The following SCAMP2 variants were observed in gnomAD, a reference collection of about 807,000 sequenced individuals.
SCAMP2 encodes secretory carrier membrane protein 2.
In SCAMP2, 25 loss-of-function variants were observed where a neutral mutation model predicts 44.1. The observed-to-expected ratio is 0.57, with a 90% CI of 0.41 to 0.79. SCAMP2 has a LOEUF of 0.79. Among genes scored for constraint, SCAMP2 ranks in the 30% least tolerant of loss-of-function variants. The pLI is 0.00. For synonymous variants in SCAMP2, 156 were observed against 166.0 expected (o/e 0.94, Z 0.46); for missense variants, 355 against 411.0 (o/e 0.86, Z 1.18).
Position 74,844,869 on chromosome 15 carries a change from A to G in SCAMP2, c.*214T>C. ...TACCAAACCATCACCAGAGAAGGAA[A>G]GAGAGCTTTGTTTTTTTTTGTACAT... On this transcript the variant is annotated 3_prime_UTR_variant, in exon 9 of 9. Transcript: ENST00000268099. 2 of 540,896 alleles carry G rather than the reference A, an allele frequency of 3.7e-6. No individual in the cohort carries two copies. The highest frequency in any genetic ancestry group is 6.5e-6 in the Non-Finnish European group (2 of 305,482). The allele number at this position is 540,896 out of a possible 1,614,324, so 33.5% of individuals were successfully genotyped here.
Position 74,844,776 on chromosome 15 carries a change from G to C in SCAMP2, c.*307C>G, listed in dbSNP as rs2064380791. ...GGTCAGCCTGTGATCCCAACTGTGT[G>C]GGGGTGTCTGTGTGTGCACAGGACG... On this transcript the variant is annotated 3_prime_UTR_variant, in exon 9 of 9. Coordinates refer to ENST00000268099, the MANE Select transcript of SCAMP2 (RefSeq NM_005697.5). 3.6e-6 allele frequency: 1 copy of C among 279,346 alleles called. No homozygotes were observed. The highest frequency in any genetic ancestry group is 4.7e-5 in the Admixed American group (1 of 21,360). The allele number at this position is 279,346 out of a possible 1,614,324, so 17.3% of individuals were successfully genotyped here.
intron 1 of SCAMP2, among the ~76,000 whole-genome samples, chr15:74,870,469 C>T (rs1596427785): frequency 6.6e-6 from 1 of 152,216 alleles, no homozygotes; most frequent in Non-Finnish European, 1.5e-5. Flanking sequence ...ACAACATACA[C>T]CATAAGGCTA....
chr15:74,863,900 A>G (rs2064525248), intron 1 of SCAMP2, among the ~76,000 whole-genome samples: 1 of 152,294 alleles, frequency 6.6e-6, no homozygotes, highest in African/African-American at 2.4e-5. Context: ...GTGTGATCAT[A>G]GAGGAGAGAG....
intron 1 of SCAMP2, among the ~76,000 whole-genome samples, chr15:74,870,289 C>G (rs1428090865): frequency 3.9e-5 from 6 of 152,214 alleles, no homozygotes; most frequent in African/African-American, 1.4e-4. Flanking sequence ...TTAAGACTTT[C>G]AAGCAGCTAT....
At chr15:74,866,380 G>A (rs2064544317) in intron 1 of SCAMP2, among the ~76,000 whole-genome samples, 1 of 151,882 alleles carries the variant, frequency 6.6e-6, no homozygotes, top group Non-Finnish European at 1.5e-5. Context: ...GCAAGCAGGA[G>A]CGACTTTTGG....
intron 1 of SCAMP2, among the ~76,000 whole-genome samples, chr15:74,868,021 T>C (rs893951008): frequency 6.6e-6 from 1 of 152,174 alleles, no homozygotes; most frequent in African/African-American, 2.4e-5. Context: ...CTTCATCACC[T>C]GACAAGACTT....
chr15:74,854,171 G>A (rs1190141832), intron 2 of SCAMP2, 52 bp from the exon 3 acceptor site: 1 of 1,510,910 alleles, frequency 6.6e-7, no homozygotes, highest in Admixed American at 1.7e-5. Context: ...ATTAGCTGGT[G>A]ACGAGGGGGC....
At chr15:74,866,277 C>T (rs56671860) in intron 1 of SCAMP2, among the ~76,000 whole-genome samples, 11,262 of 151,428 alleles carry the variant, frequency 0.074, 1,170 homozygotes, top group African/African-American at 0.23. Flanking sequence ...GCATCCCAGG[C>T]TCATGACTCC....
rs1021723098 is a variant in SCAMP2, at chr15:74,844,125, G to A, written c.*958C>T. The A allele has an allele frequency of 2.6e-5, 4 of 151,322 alleles. No homozygotes were observed. The highest frequency in any genetic ancestry group is 5.9e-5 in the Non-Finnish European group (4 of 67,848). The allele number at this position is 151,322 out of a possible 1,614,324, so 9.4% of individuals were successfully genotyped here. A position where few individuals can be genotyped will look rare whatever the true frequency, so the allele number is the denominator to read the frequency against. Reference sequence around the variant, plus strand: ...TGGCCCTGCCCTTCCTGAAAGTCTGGATGCTGCTGATGGGGAGCATGGGCG... The same window carrying A: ...TGGCCCTGCCCTTCCTGAAAGTCTGAATGCTGCTGATGGGGAGCATGGGCG... On this transcript the variant is annotated 3_prime_UTR_variant, in exon 9 of 9. Transcript: ENST00000268099.
At chr15:74,849,914 C>G (rs1006017157) in intron 6 of SCAMP2, among the ~76,000 whole-genome samples, 9 of 152,210 alleles carry the variant, frequency 5.9e-5, no homozygotes. Flanking sequence ...GGCTAGATCA[C>G]AGTGAGGGTT....
intron 1 of SCAMP2, among the ~76,000 whole-genome samples, chr15:74,855,132 C>T (rs189662645): frequency 1.9e-4 from 29 of 152,026 alleles, no homozygotes; most frequent in Admixed American, 1.7e-3. Context: ...GAGACAGAGT[C>T]TTGCTCTGTC....
At chr15:74,869,928 G>A (rs775319955) in intron 1 of SCAMP2, among the ~76,000 whole-genome samples, 4 of 152,178 alleles carry the variant, frequency 2.6e-5, no homozygotes, top group African/African-American at 7.2e-5. Context: ...ACCTCCCAAC[G>A]TCCTAGCCCT....
chr15:74,863,201 C>T (rs1305919168), intron 1 of SCAMP2, among the ~76,000 whole-genome samples: 1 of 151,700 alleles, frequency 6.6e-6, no homozygotes, highest in East Asian at 1.9e-4. Flanking sequence ...AAAAATTAGC[C>T]GGGTGTGGTG....
chr15:74,853,198 A>G, intron 3 of SCAMP2: 1 of 329,308 alleles, frequency 3.0e-6, no homozygotes, highest in Non-Finnish European at 6.1e-6. Context: ...CAAGTCTGTG[A>G]CGCCAGCTGA....
intron 7 of SCAMP2, chr15:74,848,304 G>A (rs1312348255): frequency 4.0e-6 from 1 of 253,008 alleles, no homozygotes; most frequent in African/African-American, 2.2e-5. Flanking sequence ...CTGGGCTTGA[G>A]CAATCTGCCT....
intron 1 of SCAMP2, among the ~76,000 whole-genome samples, chr15:74,868,927 G>A (rs1215308401): frequency 2.0e-5 from 3 of 152,122 alleles, no homozygotes; most frequent in Non-Finnish European, 2.9e-5. Context: ...AGGCTGAGGC[G>A]GGTGGATCAC....
chr15:74,845,635 G>T (rs2064394628), intron 7 of SCAMP2, 42 bp from the exon 8 acceptor site: 1 of 1,610,594 alleles, frequency 6.2e-7, no homozygotes, highest in South Asian at 1.1e-5. Context: ...AAGTGGGAGT[G>T]GGCTCCAAAA....
chr15:74,859,732 T>C (rs893842969), intron 1 of SCAMP2, among the ~76,000 whole-genome samples: 10 of 151,090 alleles, frequency 6.6e-5, no homozygotes, highest in African/African-American at 2.4e-4. Flanking sequence ...TTCTCGTGCC[T>C]CAGCCTCCTG....
At chr15:74,854,893 TGA>T (rs2064458463) in intron 1 of SCAMP2, among the ~76,000 whole-genome samples, 1 of 151,556 alleles carries the variant, frequency 6.6e-6, no homozygotes, top group Non-Finnish European at 1.5e-5. Context: ...CCCAGAAGCT[TGA>T]GAGTACACAC....
Sources: allele counts gnomAD v4.1 joint callset (sites outside exome capture counted in the v4.1 genomes callset), GRCh38; gene constraint gnomAD v4.1.1; transcripts MANE v1.5; gene names NCBI Gene and HGNC (gene_info 2026-07-23, HGNC 2026-07-21).